NRN1L: variants seen among roughly 807,000 people sequenced by gnomAD.
The protein encoded by NRN1L is neuritin-like protein.
A neutral mutation model predicts 8.8 loss-of-function variants in NRN1L; 12 were observed. That is an observed-to-expected ratio of 1.36 (90% CI 0.87 to 2.20). The LOEUF is 2.20. Ranked by LOEUF, NRN1L falls within the 30% of genes most tolerant of loss-of-function variation. The probability of loss-of-function intolerance (pLI) is 0.00; values close to 1 mark genes in which losing one functional copy is unlikely to be tolerated. For synonymous variants in NRN1L, 114 were observed against 99.2 expected (o/e 1.15, Z -0.88); for missense variants, 266 against 232.4 (o/e 1.14, Z -0.94).
In NRN1L at chr16:67,885,962, C is replaced by G. The variant is rs772903199; in HGVS notation, c.213-12C>G. The G allele has an allele frequency of 2.5e-6, 4 of 1,613,146 alleles. No homozygotes were observed. The highest frequency in any genetic ancestry group is 3.4e-6 in the Non-Finnish European group (4 of 1,179,432). Reference sequence around the variant, plus strand: ...GCCTCACCTAATCCCCCTAATCCCACTCCCTTAACAGGTCTTGGAATGACT... The same window carrying G: ...GCCTCACCTAATCCCCCTAATCCCAGTCCCTTAACAGGTCTTGGAATGACT... On this transcript the variant is annotated splice_polypyrimidine_tract_variant and intron_variant, in intron 2 of 2. Coordinates refer to ENST00000339176, the MANE Select transcript of NRN1L (RefSeq NM_198443.2).
At position 67,885,704 on chromosome 16, in the gene NRN1L, C is replaced by T. The variant is rs761950965; in HGVS notation, c.80-18C>T. On this transcript the variant is annotated intron_variant, in intron 1 of 2. Coordinates refer to ENST00000339176, the MANE Select transcript of NRN1L (RefSeq NM_198443.2). ...TATCTACCATTCCTTCCCCACCCCA[C>T]CCCCGCCCCACTTCTAGTCCTTTTA... 1.5e-6 allele frequency: 2 copies of T among 1,306,066 alleles called. No individual in the cohort carries two copies. Among genetic ancestry groups the T allele is most frequent in the Non-Finnish European group, 2.1e-6 (2 of 935,632 alleles). The allele number at this position is 1,306,066 out of a possible 1,614,324, so 80.9% of individuals were successfully genotyped here.
chr16:67,886,407 C>T (rs986429326), downstream of NRN1L: 15 of 785,096 alleles, frequency 1.9e-5, no homozygotes, highest in South Asian at 3.8e-5. Flanking sequence ...GCCTTGCTTG[C>T]GGCTGGGGCC....
intron 1 of NRN1L, 71 bp downstream of exon 1, chr16:67,885,053 G>C (rs540250533): frequency 7.6e-7 from 1 of 1,312,288 alleles, no homozygotes; most frequent in Non-Finnish European, 1.1e-6. Flanking sequence ...GGCATAGGGT[G>C]TGTGGGAACG....
In NRN1L at chr16:67,885,713, C is replaced by CCCAAAAAA; in HGVS notation, c.80-9_80-8insCCAAAAAA. On this transcript the variant is annotated splice_polypyrimidine_tract_variant and intron_variant, in intron 1 of 2. Transcript: ENST00000339176. ...TTCCTTCCCCACCCCACCCCCGCCC[C>CCCAAAAAA]ACTTCTAGTCCTTTTACCTCCCCTG... The CCCAAAAAA allele has an allele frequency of 6.6e-7, 1 of 1,509,808 alleles. No individual in the cohort carries two copies. Among genetic ancestry groups the CCCAAAAAA allele is most frequent in the Non-Finnish European group, 9.1e-7 (1 of 1,104,176 alleles). 93.5% of individuals were successfully genotyped at this position (1,509,808 alleles called of 1,614,324 possible).
chr16:67,885,314 T>C (rs2058090808), intron 1 of NRN1L: 2 of 510,172 alleles, frequency 3.9e-6, no homozygotes, highest in Non-Finnish European at 7.0e-6. Flanking sequence ...TCCAAAAATA[T>C]TTATCTTTAG....
intron 1 of NRN1L, chr16:67,885,441 C>A (rs1598180846): frequency 2.0e-6 from 1 of 488,866 alleles, no homozygotes; most frequent in East Asian, 3.7e-5. Flanking sequence ...TTTACATGGA[C>A]CCTTGTCACC....
downstream of NRN1L, among the ~76,000 whole-genome samples, chr16:67,886,905 A>G (rs974688893): frequency 6.6e-6 from 1 of 152,210 alleles, no homozygotes; most frequent in Non-Finnish European, 1.5e-5. Context: ...TGAAGTCCAC[A>G]TTCAAGCCCC....
In NRN1L at chr16:67,886,273, G is replaced by A. The variant is rs759619171; in HGVS notation, c.*14G>A. The A allele has an allele frequency of 1.2e-5, 19 of 1,569,462 alleles. No homozygotes were observed. Among genetic ancestry groups the A allele is most frequent in the Non-Finnish European group, 1.5e-5 (18 of 1,163,452 alleles). ...CCTCTGGCCTAGCTTGTTGGGTTGG[G>A]TAGCAGCGCCCGTACCTCCAGCCCT... is the stretch of plus-strand genomic sequence containing the variant. On this transcript the variant is annotated 3_prime_UTR_variant, in exon 3 of 3. Coordinates refer to ENST00000339176, the MANE Select transcript of NRN1L (RefSeq NM_198443.2).
rs562219500 is a variant in NRN1L at position 67,885,762 on chromosome 16, C to T, written c.120C>T (p.Asn40=). The change falls in exon 2 of 3, where the codon AAC becomes AAT. Residue 40 remains asparagine (N), a synonymous_variant. Coordinates refer to ENST00000339176, the MANE Select transcript of NRN1L (RefSeq NM_198443.2). ...TGGCAGCAGCTGCAGCGGGCCCAAA[C>T]CGATGTGACACCATATACCAGGGCT... ...PPLAAAAAGP[N]RCDTIYQGFA... The T allele has an allele frequency of 1.8e-5, 27 of 1,530,696 alleles. No individual in the cohort carries two copies. In the African/African-American group the frequency reaches 3.6e-4, roughly 20 times the overall value. The allele number at this position is 1,530,696 out of a possible 1,614,324, so 94.8% of individuals were successfully genotyped here.
intron 1 of NRN1L, 42 bp from the exon 2 acceptor site, chr16:67,885,680 A>T: frequency 7.7e-7 from 1 of 1,291,596 alleles, no homozygotes; most frequent in Non-Finnish European, 1.1e-6. Flanking sequence ...GGCTCATCCT[A>T]TCTACCATTC....
chr16:67,887,244 T>C (rs1207003074), downstream of NRN1L, among the ~76,000 whole-genome samples: 1 of 152,062 alleles, frequency 6.6e-6, no homozygotes, highest in Non-Finnish European at 1.5e-5. Context: ...GGCACTGCCA[T>C]AGTCTCCTCA....
downstream of NRN1L, among the ~76,000 whole-genome samples, chr16:67,887,230 C>G (rs989015396): frequency 6.6e-6 from 1 of 152,124 alleles, no homozygotes; most frequent in African/African-American, 2.4e-5. Flanking sequence ...CCACGGTTTA[C>G]AGAGGCACTG....
downstream of NRN1L, among the ~76,000 whole-genome samples, chr16:67,887,584 C>A (rs1399939698): frequency 7.2e-6 from 1 of 138,672 alleles, no homozygotes; most frequent in Non-Finnish European, 1.6e-5. Flanking sequence ...TCTTTACTTT[C>A]TTTTTTTTTT....
rs762900458 is a variant in NRN1L at position 67,885,831 on chromosome 16, A to G, written c.189A>G (p.Gly63=). The G allele has an allele frequency of 6.3e-7, 1 of 1,577,786 alleles. No individual in the cohort carries two copies. Among genetic ancestry groups the G allele is most frequent in the Non-Finnish European group, 8.6e-7 (1 of 1,163,138 alleles). ...GCTTGGGGGACAGCATGGGCCGCGG[A>G]GGCGAGCTGGAGACCATCTGCAGGT... ...LIRLGDSMGR[G]GELETICRSW... The change falls in exon 2 of 3, where the codon GGA becomes GGG. Residue 63 remains glycine (G), a synonymous_variant. Transcript: ENST00000339176.
chr16:67,885,970 A>T lies in NRN1L; in HGVS notation c.213-4A>T. 1 of 1,613,846 alleles carries T rather than the reference A, an allele frequency of 6.2e-7. No individual in the cohort carries two copies. Among genetic ancestry groups the T allele is most frequent in the Non-Finnish European group, 8.5e-7 (1 of 1,179,904 alleles). On this transcript the variant is annotated splice_polypyrimidine_tract_variant and splice_region_variant and intron_variant, in intron 2 of 2. Coordinates refer to ENST00000339176, the MANE Select transcript of NRN1L (RefSeq NM_198443.2). Reference sequence around the variant, plus strand: ...TAATCCCCCTAATCCCACTCCCTTAACAGGTCTTGGAATGACTTCCATGCC... The same window carrying T: ...TAATCCCCCTAATCCCACTCCCTTATCAGGTCTTGGAATGACTTCCATGCC...
At chr16:67,886,788 T>C (rs1376160668), downstream of NRN1L, among the ~76,000 whole-genome samples, 1 of 152,180 alleles carries the variant, frequency 6.6e-6, no homozygotes, top group East Asian at 1.9e-4. Context: ...TCTCTCTGCC[T>C]GTCACCTCAG....
Position 67,885,693 on chromosome 16 carries a change from TCCCCACCCCA to T in NRN1L, c.80-24_80-15del. On this transcript the variant is annotated intron_variant, in intron 1 of 2. Transcript: ENST00000339176. ...CTGGCTCATCCTATCTACCATTCCT[TCCCCACCCCA>T]CCCCCGCCCCACTTCTAGTCCTTTT... is the stretch of plus-strand genomic sequence containing the variant. 8.0e-7 allele frequency: 1 copy of T among 1,257,200 alleles called. No individual in the cohort carries two copies. The highest frequency in any genetic ancestry group is 1.1e-6 in the Non-Finnish European group (1 of 909,534). The allele number at this position is 1,257,200 out of a possible 1,614,324, so 77.9% of individuals were successfully genotyped here. A position where few individuals can be genotyped will look rare whatever the true frequency, so the allele number is the denominator to read the frequency against.
chr16:67,884,944 C>T lies in NRN1L; in HGVS notation c.41C>T (p.Pro14Leu). The change falls in exon 1 of 3, where the codon CCA becomes CTA. Residue 14 changes from proline to leucine, a missense_variant. Physicochemically the swap from Pro to Leu is moderately conservative, Grantham distance 98 (BLOSUM62 -3). Coordinates refer to ENST00000339176, the MANE Select transcript of NRN1L (RefSeq NM_198443.2). The surrounding 1 kb of genome is among the most constrained non-coding windows in gnomAD (Gnocchi z 4.1). ...CGCCGCCGCTGCTGCTGCCGGCAAC[C>T]ACCCCATGCCCTGAGGCCGTTGCTG... ...CCRRRCCCRQ[P>L]PHALRPLLLL... 2.5e-6 allele frequency: 4 copies of T among 1,607,980 alleles called. No homozygotes were observed. The highest frequency in any genetic ancestry group is 3.4e-6 in the Non-Finnish European group (4 of 1,179,722).
chr16:67,887,193 G>A (rs1468124686), downstream of NRN1L, among the ~76,000 whole-genome samples: 1 of 152,106 alleles, frequency 6.6e-6, no homozygotes, highest in Non-Finnish European at 1.5e-5. Context: ...TCCCACCACC[G>A]CCAGGATCCT....
Sources: allele counts gnomAD v4.1 joint callset (sites outside exome capture counted in the v4.1 genomes callset), GRCh38; gene constraint gnomAD v4.1.1; non-coding constraint Gnocchi (gnomAD v3.1); transcripts MANE v1.5; gene names NCBI Gene and HGNC (gene_info 2026-07-23, HGNC 2026-07-21).